Variants in CBLN2 observed in about 807,000 individuals in gnomAD.
CBLN2 encodes the protein cerebellin 2 precursor.
In CBLN2, 7 loss-of-function variants were observed where a neutral mutation model predicts 15.0. That is an observed-to-expected ratio of 0.47 (90% confidence interval 0.27 to 0.88). The LOEUF (loss-of-function observed/expected upper bound fraction) is 0.88. Ranked by LOEUF, CBLN2 falls within the 40% of genes least tolerant of loss-of-function variation. The pLI is 0.14. For synonymous variants in CBLN2, 149 were observed against 135.2 expected (o/e 1.10, Z -0.71); for missense variants, 242 against 304.5 (o/e 0.79, Z 1.53).
At chr18:72,614,965 C>G (rs1259641750) in intron 1 of CBLN2, among the ~76,000 whole-genome samples, 1 of 147,158 alleles carries the variant, frequency 6.8e-6, no homozygotes, top group Non-Finnish European at 1.5e-5. Context: ...TTGGCCTGAG[C>G]TTGACAATGC....
rs1027927834 is a variant in CBLN2 at position 72,607,703 on chromosome 18, TTC to T, written c.15+30620_15+30621del. Among the ~76,000 whole-genome samples the T allele has an allele frequency of 2.6e-3, 336 of 128,404 alleles. 1 individual carries two copies. Among genetic ancestry groups the T allele is most frequent in the African/African-American group, 0.012 (318 of 26,930 alleles). 84.2% of individuals were successfully genotyped at this position (128,404 alleles called of 152,430 possible). ...CCTCTCTCTCTCTCTCTTTCTCTCT[TTC>T]TCTCTCTCTCTCTCTTTTCCTCTAA... On this transcript the variant is annotated intron_variant, in intron 1 of 2. Transcript: ENST00000581073.
At chr18:72,627,163 T>C (rs2069745369) in intron 1 of CBLN2, among the ~76,000 whole-genome samples, 1 of 152,188 alleles carries the variant, frequency 6.6e-6, no homozygotes, top group African/African-American at 2.4e-5. Context: ...TGGAGAAATA[T>C]GCACTGCATC....
intron 1 of CBLN2, among the ~76,000 whole-genome samples, chr18:72,553,535 C>A (rs1261291969): frequency 6.6e-6 from 1 of 152,076 alleles, no homozygotes; most frequent in Non-Finnish European, 1.5e-5. Context: ...ATATATATTA[C>A]AAATGTGTGC....
rs58097375 is a variant in CBLN2, at chr18:72,574,298, G to A, written c.16-35526C>T. Among the ~76,000 whole-genome samples the A allele has an allele frequency of 1.7e-3, 255 of 152,044 alleles. 6 individuals are homozygous for A. In the East Asian group the frequency reaches 0.043, roughly 26 times the overall value. On this transcript the variant is annotated intron_variant, in intron 1 of 2. Transcript: ENST00000581073. ...TTTTTAAATTTTAATCAAGTTTTAC[G>A]GATTGTGCATTTGGTGTCGTATCTA...
intron 1 of CBLN2, among the ~76,000 whole-genome samples, chr18:72,601,354 GTGTAAGAA>G (rs2069546624): frequency 6.6e-6 from 1 of 152,154 alleles, no homozygotes; most frequent in Non-Finnish European, 1.5e-5. Flanking sequence ...TGGACTATTT[GTGTAAGAA>G]TGTAGGATTC....
chr18:72,592,450 T>C (rs961378449), intron 1 of CBLN2, among the ~76,000 whole-genome samples: 1 of 151,982 alleles, frequency 6.6e-6, no homozygotes, highest in Non-Finnish European at 1.5e-5. Flanking sequence ...ATTCTGTGAG[T>C]TGTCTGTTGA....
chr18:72,602,143 C>T (rs1034849792), intron 1 of CBLN2, among the ~76,000 whole-genome samples: 2 of 152,202 alleles, frequency 1.3e-5, no homozygotes, highest in African/African-American at 4.8e-5. Context: ...CTTCCGGTCC[C>T]CCCAGAAGTG....
intron 1 of CBLN2, among the ~76,000 whole-genome samples, chr18:72,584,094 C>T (rs1020972847): frequency 2.0e-5 from 3 of 152,192 alleles, no homozygotes; most frequent in African/African-American, 7.2e-5. Context: ...GCGTTCAAAG[C>T]ACCAGCTGCA....
chr18:72,589,021 A>C (rs2069460738), intron 1 of CBLN2, among the ~76,000 whole-genome samples: 2 of 152,146 alleles, frequency 1.3e-5, no homozygotes, highest in Non-Finnish European at 2.9e-5. Context: ...ATACTGAACC[A>C]TTATAGCTGC....
chr18:72,625,723 T>C (rs1302070647), intron 1 of CBLN2, among the ~76,000 whole-genome samples: 1 of 40,334 alleles, frequency 2.5e-5, no homozygotes, highest in African/African-American at 1.2e-4. Flanking sequence ...TATATATATA[T>C]ATACACACTC....
intron 1 of CBLN2, among the ~76,000 whole-genome samples, chr18:72,550,734 C>T (rs981756908): frequency 6.6e-6 from 1 of 151,246 alleles, no homozygotes; most frequent in Non-Finnish European, 1.5e-5. Flanking sequence ...TGTAAATCCT[C>T]TATGTGCCTT....
At chr18:72,638,458 T>C (rs2069828219) in exon 1 of CBLN2, 1 of 397,266 alleles carries the variant, frequency 2.5e-6, no homozygotes, top group African/African-American at 2.1e-5. Context: ...ATGACAGACT[T>C]GTTATCCTCA....
At chr18:72,550,869 A>G in intron 1 of CBLN2, among the ~76,000 whole-genome samples, 1 of 152,206 alleles carries the variant, frequency 6.6e-6, no homozygotes, top group African/African-American at 2.4e-5. Flanking sequence ...TCCATGATTT[A>G]TTTTTGTGCA....
At chr18:72,566,034 G>A (rs1207144016) in intron 1 of CBLN2, among the ~76,000 whole-genome samples, 3 of 152,088 alleles carry the variant, frequency 2.0e-5, no homozygotes, top group African/African-American at 7.2e-5. Context: ...CTCCGAAGAA[G>A]ACATACAAAT....
At chr18:72,570,725 C>T (rs2069327156) in intron 1 of CBLN2, among the ~76,000 whole-genome samples, 1 of 152,122 alleles carries the variant, frequency 6.6e-6, no homozygotes, top group South Asian at 2.1e-4. Flanking sequence ...TTTCATGAAA[C>T]TCATGACACA....
chr18:72,584,631 G>T (rs1469832936), intron 1 of CBLN2, among the ~76,000 whole-genome samples: 1 of 152,014 alleles, frequency 6.6e-6, no homozygotes, highest in African/African-American at 2.4e-5. Flanking sequence ...TATATAAACT[G>T]CTTATACATT....
At chr18:72,594,410 T>A (rs1431802864) in intron 1 of CBLN2, among the ~76,000 whole-genome samples, 1 of 152,112 alleles carries the variant, frequency 6.6e-6, no homozygotes, top group Non-Finnish European at 1.5e-5. Context: ...TAGTTTTGCA[T>A]CAATGTTCAT....
chr18:72,622,369 C>A (rs2069706978), intron 1 of CBLN2, among the ~76,000 whole-genome samples: 1 of 151,806 alleles, frequency 6.6e-6, no homozygotes, highest in African/African-American at 2.4e-5. Context: ...ATACTTTAAG[C>A]TAAGGTTGAC....
At chr18:72,633,833 T>C (rs2069793568) in intron 1 of CBLN2, among the ~76,000 whole-genome samples, 1 of 152,156 alleles carries the variant, frequency 6.6e-6, no homozygotes, top group South Asian at 2.1e-4. Context: ...CGTAAAATCA[T>C]AGATTAATAA....
Sources: gnomAD v4.1 joint callset for allele counts (sites outside exome capture counted in the v4.1 genomes callset) on GRCh38, gnomAD v4.1.1 for gene constraint, MANE v1.5 for transcripts, NCBI Gene and HGNC (gene_info 2026-07-23, HGNC 2026-07-21) for gene names.